NRXN2: variants seen among roughly 807,000 people sequenced by gnomAD.
NRXN2 encodes neurexin 2.
A neutral mutation model predicts 128.8 loss-of-function variants in NRXN2; 29 were observed. The ratio of observed to expected loss-of-function variants is 0.23; its 90% CI spans 0.17 to 0.31. NRXN2 has a LOEUF of 0.31. NRXN2 is among the 10% of genes least tolerant of loss of function. The pLI is 1.00. For missense variants in NRXN2, 1,881 were observed against 2,452.6 expected (o/e 0.77, Z 4.92); for synonymous variants, 1,098 against 1,075.2 (o/e 1.02, Z -0.41).
At chr11:64,683,567 C>A (rs889142855) in intron 6 of NRXN2, among the ~76,000 whole-genome samples, 7 of 151,178 alleles carry the variant, frequency 4.6e-5, no homozygotes, top group Admixed American at 4.6e-4. Context: ...TTGGAGTGAG[C>A]CGAGATCACG....
chr11:64,690,566 G>A lies in NRXN2; in HGVS notation c.779-90C>T, dbSNP rs566121375. On this transcript the variant is annotated intron_variant, in intron 4 of 22. Transcript: ENST00000265459. ...GGGGATGAAGGGCCCTCTCCAGGGTGGAGGTGCTGCTTGCACGGACAGGGG... is the reference window on the plus strand; with the variant it reads ...GGGGATGAAGGGCCCTCTCCAGGGTAGAGGTGCTGCTTGCACGGACAGGGG... 317 of 1,167,630 alleles carry A rather than the reference G, an allele frequency of 2.7e-4. 9 individuals carry two copies. The South Asian group carries it at 3.9e-3, about 14-fold the overall frequency. 72.3% of individuals were successfully genotyped at this position (1,167,630 alleles called of 1,614,324 possible). A position where few individuals can be genotyped will look rare whatever the true frequency, so the allele number is the denominator to read the frequency against.
chr11:64,623,062 G>T lies in NRXN2; in HGVS notation c.3864C>A (p.Ile1288=), dbSNP rs563736640. 1 of 1,605,268 alleles carries T rather than the reference G, an allele frequency of 6.2e-7. No homozygotes were observed. Among genetic ancestry groups the T allele is most frequent in the African/African-American group, 1.3e-5 (1 of 74,970 alleles). The change falls in exon 21 of 23, where the codon ATC becomes ATA. Residue 1288 remains isoleucine (I), a synonymous_variant. Transcript: ENST00000265459. This position sits in a 1 kb window ranked among gnomAD's most constrained non-coding sequence, Gnocchi z 4.9. ...TCTTGATGGCAGCCTGGCTGTTGAA[G>T]ATGGTCAGCTGGCGGCCTTGCAGGA... ...WLLDKGRQLT[I]FNSQAAIKIG... is the part of the protein sequence containing the mutation.
chr11:64,614,632 GGCCT>G (rs1200754316), intron 22 of NRXN2, among the ~76,000 whole-genome samples: 1 of 152,250 alleles, frequency 6.6e-6, no homozygotes, highest in South Asian at 2.1e-4. Flanking sequence ...CAGAGAGCCT[GGCCT>G]GCCTGCCTGC....
intron 19 of NRXN2, among the ~76,000 whole-genome samples, 172 bp from the exon 20 acceptor site, chr11:64,626,724 G>A (rs1248313031): frequency 6.6e-6 from 1 of 152,144 alleles, no homozygotes; most frequent in East Asian, 1.9e-4. Flanking sequence ...CCCCTCCCTA[G>A]GCTCCGGTTC....
chr11:64,650,548 G>A lies in NRXN2; in HGVS notation c.3009C>T (p.Asn1003=), dbSNP rs764775675. The A allele has an allele frequency of 9.9e-6, 16 of 1,614,188 alleles. No homozygotes were observed. Among genetic ancestry groups the A allele is most frequent in the East Asian group, 2.2e-5 (1 of 44,868 alleles). ...DKPVNDNQWH[N]VVVSRDPGNV... is the part of the protein sequence containing the mutation. ...TGCCTGGGTCCCTGGACACCACCAC[G>A]TTGTGCCACTGGTTGTCATTGACTG... The change falls in exon 15 of 23, where the codon AAC becomes AAT. Residue 1003 remains asparagine (N), a synonymous_variant. Coordinates refer to ENST00000265459, the MANE Select transcript of NRXN2 (RefSeq NM_015080.4).
chr11:64,608,483 CTCT>C (rs1554996295), intron 22 of NRXN2, among the ~76,000 whole-genome samples: 1 of 143,018 alleles, frequency 7.0e-6, no homozygotes, highest in Non-Finnish European at 1.5e-5. Context: ...CTAGATTTTT[CTCT>C]TTTTTTGCTT....
intron 5 of NRXN2, chr11:64,688,372 G>T: frequency 7.1e-6 from 7 of 985,372 alleles, no homozygotes; most frequent in Non-Finnish European, 8.4e-6. Context: ...TCGAGAAGAG[G>T]GACAGAAAAA....
intron 2 of NRXN2, among the ~76,000 whole-genome samples, chr11:64,708,180 C>T (rs1328052338): frequency 1.3e-5 from 2 of 152,140 alleles, no homozygotes; most frequent in Admixed American, 1.3e-4. Context: ...AACACACAGC[C>T]TAGCACAAAA....
At chr11:64,673,148 G>A (rs142264735) in intron 7 of NRXN2, among the ~76,000 whole-genome samples, 106 of 152,260 alleles carry the variant, frequency 7.0e-4, no homozygotes, top group African/African-American at 2.4e-3. Context: ...TCTGTTAACT[G>A]GAAACAATCT....
At chr11:64,620,751 G>A (rs1282444576) in intron 21 of NRXN2, among the ~76,000 whole-genome samples, 3 of 149,726 alleles carry the variant, frequency 2.0e-5, no homozygotes, top group Non-Finnish European at 3.0e-5. Flanking sequence ...GGCGGAGCCT[G>A]CAGAGGCCAG....
chr11:64,642,047 A>T (rs566871770), intron 17 of NRXN2, among the ~76,000 whole-genome samples: 3 of 152,182 alleles, frequency 2.0e-5, no homozygotes, highest in African/African-American at 7.2e-5. Context: ...GAAATGACAG[A>T]TGTGACAGAG....
chr11:64,645,725 G>C (rs1373878857), intron 17 of NRXN2, among the ~76,000 whole-genome samples: 1 of 152,090 alleles, frequency 6.6e-6, no homozygotes, highest in Non-Finnish European at 1.5e-5. Flanking sequence ...AAATTGAGGT[G>C]GTAAGTGGGG....
At chr11:64,715,792 T>C (rs2057287908) in intron 1 of NRXN2, among the ~76,000 whole-genome samples, 1 of 152,174 alleles carries the variant, frequency 6.6e-6, no homozygotes, top group Non-Finnish European at 1.5e-5. Flanking sequence ...CCCCCACTCC[T>C]TACAAACACT....
chr11:64,653,836 G>A (rs57712671), intron 11 of NRXN2, 114 bp from the exon 12 acceptor site: 4 of 788,084 alleles, frequency 5.1e-6, no homozygotes, highest in Admixed American at 2.4e-5. Flanking sequence ...GTTCCCCCCA[G>A]GGCCACTTTC....
At chr11:64,642,540 G>A (rs1397828316) in intron 17 of NRXN2, 2 of 1,608,342 alleles carry the variant, frequency 1.2e-6, no homozygotes, top group East Asian at 2.3e-5. Context: ...GCCACTTACC[G>A]TGGCCGCCGC....
chr11:64,713,539 C>G lies in NRXN2; in HGVS notation c.161G>C (p.Ser54Thr), dbSNP rs1592311400. 1 of 1,467,882 alleles carries G rather than the reference C, an allele frequency of 6.8e-7. No homozygotes were observed. The highest frequency in any genetic ancestry group is 2.4e-4 in the Middle Eastern group (1 of 4,180). The allele number at this position is 1,467,882 out of a possible 1,614,324, so 90.9% of individuals were successfully genotyped here. A position where few individuals can be genotyped will look rare whatever the true frequency, so the allele number is the denominator to read the frequency against. The change falls in exon 2 of 23, where the codon AGC (serine) becomes ACC (threonine). Residue 54 changes from serine to threonine, a missense_variant. By Grantham distance (58) the Ser-to-Thr change is moderately conservative. This residue lies in a region of NRXN2 where 997 missense variants were observed against 1,240.8 expected (regional missense o/e 0.80). Coordinates refer to ENST00000265459, the MANE Select transcript of NRXN2 (RefSeq NM_015080.4). ...CGTGGCGTTGGTGCGCAGGCTGAAG[C>G]TGAGCTCGCCGCTGCTCGCCGCGCC... ...WAGAASSGEL[S>T]FSLRTNATRA...
intron 6 of NRXN2, among the ~76,000 whole-genome samples, chr11:64,680,759 G>T (rs1257074249): frequency 6.6e-6 from 1 of 152,176 alleles, no homozygotes; most frequent in Non-Finnish European, 1.5e-5. Context: ...AAGTCCTGAG[G>T]AAATTTAGAG....
chr11:64,713,295 G>A lies in NRXN2; in HGVS notation c.405C>T (p.Ala135=). The A allele has an allele frequency of 7.3e-7, 1 of 1,369,634 alleles. No individual in the cohort carries two copies. The highest frequency in any genetic ancestry group is 1.7e-5 in the South Asian group (1 of 59,438). 84.8% of individuals were successfully genotyped at this position (1,369,634 alleles called of 1,614,324 possible). The part of the protein sequence containing the change: ...ALAVDGEARA[A]EVRSKRREMQ... ...TCTCGCGCCGCTTGGAGCGCACCTC[G>A]GCGGCGCGGGCCTCGCCGTCCACCG... The change falls in exon 2 of 23, where the codon GCC becomes GCT. Residue 135 remains alanine (A), a synonymous_variant. Coordinates refer to ENST00000265459, the MANE Select transcript of NRXN2 (RefSeq NM_015080.4).
intron 22 of NRXN2, among the ~76,000 whole-genome samples, chr11:64,616,267 T>G (rs1398467209): frequency 1.3e-5 from 2 of 152,158 alleles, no homozygotes; most frequent in Non-Finnish European, 2.9e-5. Flanking sequence ...TGCAGATATG[T>G]ATGTGTGCAT....
Sources: allele counts gnomAD v4.1 joint callset (sites outside exome capture counted in the v4.1 genomes callset), GRCh38; gene constraint gnomAD v4.1.1; regional missense constraint gnomAD v4.1.1; non-coding constraint Gnocchi (gnomAD v3.1); transcripts MANE v1.5; gene names NCBI Gene and HGNC (gene_info 2026-07-23, HGNC 2026-07-21).